The following DGKI variants were observed in gnomAD, a reference collection of about 807,000 sequenced individuals.
DGKI encodes the protein diacylglycerol kinase iota.
In DGKI, 55 loss-of-function variants were observed where a neutral mutation model predicts 147.5. That is an observed-to-expected ratio of 0.37 (90% CI 0.30 to 0.47). The LOEUF (loss-of-function observed/expected upper bound fraction) is 0.47. DGKI is among the 20% of genes least tolerant of loss of function. The pLI is 1.00. For synonymous variants in DGKI, 469 were observed against 477.1 expected (o/e 0.98, Z 0.22); for missense variants, 1,007 against 1,323.8 (o/e 0.76, Z 3.71).
intron 20 of DGKI, among the ~76,000 whole-genome samples, chr7:137,548,400 T>TG (rs1563079319): frequency 6.6e-6 from 1 of 152,166 alleles, no homozygotes; most frequent in East Asian, 1.9e-4. Context: ...GTTTGGGTCA[T>TG]GGGGGCAGAT....
intron 18 of DGKI, among the ~76,000 whole-genome samples, chr7:137,571,950 G>A (rs1368189143): frequency 6.6e-6 from 1 of 152,166 alleles, no homozygotes; most frequent in Non-Finnish European, 1.5e-5. Flanking sequence ...TGAGAATCAA[G>A]GCCTTCTACT....
chr7:137,824,526 AAAAG>A (rs556838182), intron 1 of DGKI, among the ~76,000 whole-genome samples: 3,906 of 47,218 alleles, frequency 0.083, 236 homozygotes, highest in African/African-American at 0.3. Context: ...AAAAAAAAAA[AAAAG>A]AAAAAGAAAA....
At chr7:137,753,234 G>T (rs1291764700) in intron 1 of DGKI, among the ~76,000 whole-genome samples, 1 of 152,194 alleles carries the variant, frequency 6.6e-6, no homozygotes, top group African/African-American at 2.4e-5. Context: ...GATAACAAAG[G>T]CTGCAAACTG....
chr7:137,459,965 G>A (rs71541351), intron 27 of DGKI, among the ~76,000 whole-genome samples: 7,222 of 151,986 alleles, frequency 0.048, 204 homozygotes, highest in Middle Eastern at 0.11. Flanking sequence ...CAGTCCTAAC[G>A]TACTATGAAT....
chr7:137,425,026 G>A (rs1812734198), intron 28 of DGKI, among the ~76,000 whole-genome samples: 1 of 57,144 alleles, frequency 1.7e-5, no homozygotes, highest in African/African-American at 7.4e-5. Flanking sequence ...TGACAGCTTT[G>A]AAGAGAGCAG....
At chr7:137,752,816 G>A (rs1477840578) in intron 1 of DGKI, among the ~76,000 whole-genome samples, 1 of 152,112 alleles carries the variant, frequency 6.6e-6, no homozygotes, top group Non-Finnish European at 1.5e-5. Context: ...GCTCCCGGCC[G>A]AATAAAGCCC....
intron 1 of DGKI, among the ~76,000 whole-genome samples, chr7:137,782,748 T>G (rs1056033652): frequency 6.6e-6 from 1 of 152,178 alleles, no homozygotes; most frequent in African/African-American, 2.4e-5. Context: ...TTTACTCCCC[T>G]GTCACTTCCA....
chr7:137,451,911 G>T (rs77097488), intron 27 of DGKI, among the ~76,000 whole-genome samples: 4,707 of 151,760 alleles, frequency 0.031, 283 homozygotes, highest in African/African-American at 0.11. Flanking sequence ...AAGCACCCAT[G>T]GCCTTCCTAC....
In DGKI at chr7:137,747,751, G is replaced by C. The variant is rs569466453; in HGVS notation, c.402-57749C>G. 2.9e-4 allele frequency among the ~76,000 whole-genome samples: 44 copies of C among 152,120 alleles called. 1 individual carries two copies. The highest frequency in any genetic ancestry group is 1.1e-3 in the African/African-American group (44 of 41,494). ...CCATCACCAAGCTTCCTTTTCCTTT[G>C]CTGCAGAGACATTAAAGATCTGTTT... is the stretch of plus-strand genomic sequence containing the variant. On this transcript the variant is annotated intron_variant, in intron 1 of 32. Transcript: ENST00000614521.
chr7:137,830,781 A>G (rs1160206298), intron 1 of DGKI, among the ~76,000 whole-genome samples: 1 of 152,228 alleles, frequency 6.6e-6, no homozygotes, highest in Non-Finnish European at 1.5e-5. Context: ...AATATTAAGT[A>G]CGTAAAAAAA....
chr7:137,617,126 A>C (rs1283556394), intron 8 of DGKI, among the ~76,000 whole-genome samples: 2 of 103,718 alleles, frequency 1.9e-5, no homozygotes. Context: ...CCTTTTACCA[A>C]AAAAAAAAAA....
intron 20 of DGKI, chr7:137,545,873 G>T: frequency 1.4e-6 from 1 of 698,120 alleles, no homozygotes; most frequent in Non-Finnish European, 2.6e-6. Flanking sequence ...GGGAGAAAAT[G>T]TAGAAACAGA....
At chr7:137,625,563 TC>T (rs1820906758) in intron 6 of DGKI, among the ~76,000 whole-genome samples, 1 of 152,026 alleles carries the variant, frequency 6.6e-6, no homozygotes, top group Non-Finnish European at 1.5e-5. Flanking sequence ...GGAGGGTTTC[TC>T]CAATTGACAG....
intron 19 of DGKI, among the ~76,000 whole-genome samples, chr7:137,557,408 T>C (rs1563083958): frequency 6.6e-6 from 1 of 152,062 alleles, no homozygotes; most frequent in Non-Finnish European, 1.5e-5. Flanking sequence ...CAGAACAGAA[T>C]AGACTCAAAG....
At chr7:137,466,063 T>C (rs763762168) in intron 25 of DGKI, 28 bp from the exon 26 acceptor site, 29 of 1,610,908 alleles carry the variant, frequency 1.8e-5, no homozygotes, top group Non-Finnish European at 2.4e-5. Flanking sequence ...GTCTGTTGCA[T>C]GAAGAATAAC....
At position 137,517,252 on chromosome 7, in the gene DGKI, A is replaced by AAAAG. The variant is rs1162313556; in HGVS notation, c.2248+4610_2248+4613dup. On this transcript the variant is annotated intron_variant, in intron 21 of 32. Coordinates refer to ENST00000614521, the MANE Select transcript of DGKI (RefSeq NM_001321708.2). ...AAGAAAGAAAGAAAGAAAGAAAAGA[A>AAAAG]AAAGAAAGAAAGAAAGAAAGAAAAG... Among the ~76,000 whole-genome samples, 218 of 129,072 alleles carry AAAAG rather than the reference A, an allele frequency of 1.7e-3. 4 individuals carry two copies. The highest frequency in any genetic ancestry group is 5.1e-3 in the Admixed American group (64 of 12,468). 84.7% of individuals were successfully genotyped at this position (129,072 alleles called of 152,430 possible).
At chr7:137,654,409 A>G (rs1238060972) in intron 5 of DGKI, among the ~76,000 whole-genome samples, 1 of 152,036 alleles carries the variant, frequency 6.6e-6, no homozygotes, top group East Asian at 1.9e-4. Context: ...ACAGAGCGAC[A>G]CTCTGTCTCC....
At chr7:137,664,096 G>C (rs1822543616) in intron 3 of DGKI, among the ~76,000 whole-genome samples, 1 of 152,170 alleles carries the variant, frequency 6.6e-6, no homozygotes, top group Non-Finnish European at 1.5e-5. Context: ...AAATAGTGCG[G>C]CTGGGTGCAG....
At chr7:137,544,156 T>C (rs1266842789) in intron 20 of DGKI, among the ~76,000 whole-genome samples, 1 of 152,162 alleles carries the variant, frequency 6.6e-6, no homozygotes, top group African/African-American at 2.4e-5. Context: ...GAATAAGAGA[T>C]AAACAGTCCA....
Sources: gnomAD v4.1 joint callset for allele counts (sites outside exome capture counted in the v4.1 genomes callset) on GRCh38, gnomAD v4.1.1 for gene constraint, MANE v1.5 for transcripts, NCBI Gene and HGNC (gene_info 2026-07-23, HGNC 2026-07-21) for gene names.